The following CNTN1 variants were observed in gnomAD, a reference collection of about 807,000 sequenced individuals.
CNTN1 encodes the protein contactin 1, also known as contactin-1.
CNTN1 carries 38 observed loss-of-function variants against 126.4 expected under a neutral mutation model. That is an observed-to-expected ratio of 0.30 (90% CI 0.23 to 0.39). The LOEUF (loss-of-function observed/expected upper bound fraction) is 0.39. Among genes scored for constraint, CNTN1 ranks in the 10% least tolerant of loss-of-function variants. The probability of loss-of-function intolerance (pLI) is 1.00; values close to 1 mark genes in which losing one functional copy is unlikely to be tolerated. For synonymous variants in CNTN1, 413 were observed against 422.6 expected (o/e 0.98, Z 0.28); for missense variants, 1,009 against 1,248.4 (o/e 0.81, Z 2.89).
intron 14 of CNTN1, among the ~76,000 whole-genome samples, chr12:40,945,757 A>T (rs1946416114): frequency 6.6e-6 from 1 of 151,936 alleles, no homozygotes; most frequent in Non-Finnish European, 1.5e-5. Flanking sequence ...AAATAACTGG[A>T]ATACTAATTA....
intron 23 of CNTN1, 35 bp from the exon 24 acceptor site, chr12:41,069,924 T>C (rs1187502106): frequency 1.3e-6 from 2 of 1,557,336 alleles, no homozygotes; most frequent in Non-Finnish European, 8.9e-7. Context: ...CATGTATCAA[T>C]GAAATAATAT....
intron 1 of CNTN1, among the ~76,000 whole-genome samples, chr12:40,693,105 C>G (rs1182021958): frequency 1.3e-5 from 2 of 152,204 alleles, no homozygotes; most frequent in African/African-American, 2.4e-5. Context: ...ACTTGTTTGT[C>G]CCCTGACCCC....
intron 23 of CNTN1, among the ~76,000 whole-genome samples, chr12:41,063,565 T>G (rs1393710874): frequency 1.3e-5 from 2 of 152,162 alleles, no homozygotes; most frequent in Non-Finnish European, 2.9e-5. Context: ...ACACAGCCCT[T>G]TCACTGGGCA....
chr12:40,707,894 T>C (rs905736430), intron 1 of CNTN1, among the ~76,000 whole-genome samples: 3 of 152,226 alleles, frequency 2.0e-5, no homozygotes, highest in Admixed American at 2.0e-4. Context: ...AAATGAAGCA[T>C]AATTTATGTA....
intron 15 of CNTN1, among the ~76,000 whole-genome samples, chr12:40,974,380 T>C (rs1004296500): frequency 4.0e-5 from 6 of 151,896 alleles, no homozygotes; most frequent in African/African-American, 1.5e-4. Flanking sequence ...TGAGATGGGA[T>C]CACATAAGCC....
At chr12:40,813,996 T>C (rs1478619012) in intron 1 of CNTN1, among the ~76,000 whole-genome samples, 1 of 152,196 alleles carries the variant, frequency 6.6e-6, no homozygotes, top group African/African-American at 2.4e-5. Context: ...ATGTCTTTTT[T>C]TTGAGAAGTG....
At chr12:40,701,394 C>G (rs146410150) in intron 1 of CNTN1, among the ~76,000 whole-genome samples, 30 of 152,198 alleles carry the variant, frequency 2.0e-4, no homozygotes, top group South Asian at 1.5e-3. Context: ...TTTCTAACAT[C>G]TCAAACCATA....
chr12:41,021,898 T>C (rs996328229), intron 20 of CNTN1, among the ~76,000 whole-genome samples: 1 of 152,096 alleles, frequency 6.6e-6, no homozygotes, highest in Non-Finnish European at 1.5e-5. Flanking sequence ...AAGACATCAA[T>C]GTGTAGAGCT....
chr12:40,782,404 C>T (rs1939838761), intron 1 of CNTN1, among the ~76,000 whole-genome samples: 1 of 151,838 alleles, frequency 6.6e-6, no homozygotes, highest in Non-Finnish European at 1.5e-5. Flanking sequence ...AAAACAACAA[C>T]TTAAAACTTC....
intron 1 of CNTN1, among the ~76,000 whole-genome samples, chr12:40,797,360 T>A (rs1428891257): frequency 1.3e-5 from 2 of 152,010 alleles, no homozygotes; most frequent in African/African-American, 4.8e-5. Flanking sequence ...AAATTTTAAA[T>A]AACAACCTCA....
chr12:40,918,693 C>G lies in CNTN1; in HGVS notation c.149C>G (p.Thr50Ser), dbSNP rs901533085. The change falls in exon 4 of 24, where the codon ACC becomes AGC. Residue 50 changes from threonine to serine, a missense_variant. By Grantham distance (58) the Thr-to-Ser change is moderately conservative (BLOSUM62 1). Coordinates refer to ENST00000551295, the MANE Select transcript of CNTN1 (RefSeq NM_001843.4). ...GPIFEEQPIN[T>S]IYPEESLEGK... Reference sequence around the variant, plus strand: ...ATTTTTGAAGAGCAGCCAATCAATACCATTTATCCAGAGGAATCACTGGAA... The same window carrying G: ...ATTTTTGAAGAGCAGCCAATCAATAGCATTTATCCAGAGGAATCACTGGAA... The G allele has an allele frequency of 1.2e-6, 2 of 1,613,078 alleles. No individual in the cohort carries two copies. The highest frequency in any genetic ancestry group is 8.5e-7 in the Non-Finnish European group (1 of 1,179,210).
intron 1 of CNTN1, among the ~76,000 whole-genome samples, chr12:40,861,058 A>G (rs1288661043): frequency 6.6e-6 from 1 of 152,144 alleles, no homozygotes; most frequent in Non-Finnish European, 1.5e-5. Context: ...GGGTAATGTA[A>G]CTACCAATTC....
rs1373629696 is a variant in CNTN1 at position 41,071,802 on chromosome 12, G to A, written c.*1767G>A. 1 of 152,106 alleles carries A rather than the reference G, an allele frequency of 6.6e-6. No homozygotes were observed. The highest frequency in any genetic ancestry group is 2.4e-5 in the African/African-American group (1 of 41,420). 9.4% of individuals were successfully genotyped at this position (152,106 alleles called of 1,614,324 possible). On this transcript the variant is annotated 3_prime_UTR_variant, in exon 24 of 24. Transcript: ENST00000551295. ...AAATGTCTTCATACTTTAGGGAAACGAATACCCTGTATACCTTCTGTACAA... is the reference window on the plus strand; with the variant it reads ...AAATGTCTTCATACTTTAGGGAAACAAATACCCTGTATACCTTCTGTACAA...
At chr12:40,993,344 A>T in intron 17 of CNTN1, 75 bp downstream of exon 17, 1 of 1,263,508 alleles carries the variant, frequency 7.9e-7, no homozygotes, top group South Asian at 1.2e-5. Context: ...GGTTGAATGT[A>T]TTTGAAAATA....
chr12:41,062,106 C>T (rs1949948788), intron 23 of CNTN1, among the ~76,000 whole-genome samples: 1 of 152,148 alleles, frequency 6.6e-6, no homozygotes, highest in Non-Finnish European at 1.5e-5. Flanking sequence ...TCTGATTTCT[C>T]TTTGGGTCTC....
chr12:40,948,154 G>A (rs1946504064), intron 14 of CNTN1, among the ~76,000 whole-genome samples: 1 of 151,714 alleles, frequency 6.6e-6, no homozygotes, highest in Non-Finnish European at 1.5e-5. Context: ...GAGTATTGGG[G>A]ACACGAATAA....
chr12:40,717,398 G>T (rs899317815), intron 1 of CNTN1, among the ~76,000 whole-genome samples: 2 of 152,088 alleles, frequency 1.3e-5, no homozygotes, highest in African/African-American at 4.8e-5. Flanking sequence ...TTCACATAAA[G>T]GGCTTTGAAG....
intron 1 of CNTN1, among the ~76,000 whole-genome samples, chr12:40,905,938 T>TA (rs1944793370): frequency 6.6e-6 from 1 of 152,224 alleles, no homozygotes; most frequent in Non-Finnish European, 1.5e-5. Flanking sequence ...AATAAAAAGC[T>TA]AAAAATCTTT....
At chr12:41,007,552 C>A (rs972270483) in intron 17 of CNTN1, among the ~76,000 whole-genome samples, 5 of 152,088 alleles carry the variant, frequency 3.3e-5, no homozygotes, top group East Asian at 1.9e-4. Context: ...AGTTCTCTCT[C>A]TATAGAGAGA....
Sources: gnomAD v4.1 joint callset for allele counts (sites outside exome capture counted in the v4.1 genomes callset) on GRCh38, gnomAD v4.1.1 for gene constraint, MANE v1.5 for transcripts, NCBI Gene and HGNC (gene_info 2026-07-23, HGNC 2026-07-21) for gene names.